Variants in FAF1 observed in about 807,000 individuals in gnomAD.
FAF1 encodes Fas associated factor 1.
In FAF1, 25 loss-of-function variants were observed where a neutral mutation model predicts 92.5. That is an observed-to-expected ratio of 0.27 (90% CI 0.20 to 0.38). The LOEUF is 0.38. Ranked by LOEUF, FAF1 falls within the 10% of genes least tolerant of loss-of-function variation. FAF1 has a pLI of 1.00. For missense variants in FAF1, 636 were observed against 793.3 expected (o/e 0.80, Z 2.38); for synonymous variants, 234 against 273.2 (o/e 0.86, Z 1.42).
chr1:50,524,743 T>C (rs1647703326), intron 15 of FAF1, among the ~76,000 whole-genome samples: 2 of 152,192 alleles, frequency 1.3e-5, no homozygotes, highest in African/African-American at 2.4e-5. Context: ...CATTGGTCTA[T>C]GTGTCTGTTT....
chr1:50,751,397 T>C (rs1569883372), intron 4 of FAF1, among the ~76,000 whole-genome samples: 1 of 152,114 alleles, frequency 6.6e-6, no homozygotes, highest in Admixed American at 6.5e-5. Context: ...TGCAGCAGCA[T>C]GATCTCGGCT....
intron 7 of FAF1, among the ~76,000 whole-genome samples, chr1:50,700,299 G>GA (rs1450687786): frequency 2.0e-5 from 3 of 152,240 alleles, no homozygotes; most frequent in African/African-American, 7.2e-5. Context: ...ATTGAGCACA[G>GA]AGGTTCTTTT....
chr1:50,554,380 T>TAGAGAGAG (rs1464718969), intron 13 of FAF1, among the ~76,000 whole-genome samples: 10 of 99,440 alleles, frequency 1.0e-4, no homozygotes, highest in Non-Finnish European at 1.8e-4. Context: ...TATATATATA[T>TAGAGAGAG]ATATATATAT....
intron 13 of FAF1, among the ~76,000 whole-genome samples, chr1:50,540,487 G>A (rs1292345804): frequency 6.6e-6 from 1 of 152,122 alleles, no homozygotes; most frequent in Non-Finnish European, 1.5e-5. Flanking sequence ...TCCAGTAGTA[G>A]TAGGTCTTCT....
At chr1:50,549,817 T>G (rs1469310777) in intron 13 of FAF1, among the ~76,000 whole-genome samples, 1 of 151,578 alleles carries the variant, frequency 6.6e-6, no homozygotes, top group East Asian at 2.0e-4. Context: ...GACACAGACT[T>G]GCTATATTGC....
intron 1 of FAF1, among the ~76,000 whole-genome samples, chr1:50,918,292 C>T (rs1342782094): frequency 4.8e-5 from 6 of 125,236 alleles, no homozygotes; most frequent in African/African-American, 1.9e-4. Flanking sequence ...GCTGCACCCA[C>T]TAACGTGTCA....
At chr1:50,743,290 C>A (rs1408876754) in intron 5 of FAF1, among the ~76,000 whole-genome samples, 1 of 152,128 alleles carries the variant, frequency 6.6e-6, no homozygotes, top group African/African-American at 2.4e-5. Flanking sequence ...CGAAGAAGAA[C>A]TGAACCAAAA....
chr1:50,572,234 T>C (rs1284885656), intron 12 of FAF1, among the ~76,000 whole-genome samples: 1 of 152,214 alleles, frequency 6.6e-6, no homozygotes, highest in Non-Finnish European at 1.5e-5. Flanking sequence ...TTTTGCCATA[T>C]TTGCTTTATC....
chr1:50,676,408 A>C (rs1468574297), intron 7 of FAF1, among the ~76,000 whole-genome samples: 1 of 138,754 alleles, frequency 7.2e-6, no homozygotes, highest in Non-Finnish European at 1.5e-5. Flanking sequence ...ACTCTGTCTT[A>C]AAAAAAAAAA....
At chr1:50,702,850 A>G (rs1212594232) in intron 7 of FAF1, among the ~76,000 whole-genome samples, 1 of 152,064 alleles carries the variant, frequency 6.6e-6, no homozygotes, top group African/African-American at 2.4e-5. Flanking sequence ...TTTTAGTTCT[A>G]TTTTCTAACT....
chr1:50,495,778 C>A (rs534347744), intron 15 of FAF1, among the ~76,000 whole-genome samples: 6 of 152,178 alleles, frequency 3.9e-5, no homozygotes, highest in Non-Finnish European at 7.4e-5. Flanking sequence ...ATTTGTTATT[C>A]CCTGTCTTTG....
chr1:50,881,522 C>T (rs1644612174), intron 1 of FAF1, among the ~76,000 whole-genome samples: 1 of 152,110 alleles, frequency 6.6e-6, no homozygotes, highest in South Asian at 2.1e-4. Context: ...CTCACACTAC[C>T]AAAAGAAGGA....
intron 8 of FAF1, among the ~76,000 whole-genome samples, chr1:50,617,839 G>C (rs909976403): frequency 4.6e-5 from 7 of 151,734 alleles, no homozygotes; most frequent in African/African-American, 1.2e-4. Context: ...TTCAAAGCTT[G>C]ATACTCGTCT....
chr1:50,530,929 G>A (rs1257425583), intron 15 of FAF1, among the ~76,000 whole-genome samples: 1 of 152,114 alleles, frequency 6.6e-6, no homozygotes, highest in Non-Finnish European at 1.5e-5. Context: ...GAAAAGGAAT[G>A]CACTGCTGAA....
intron 1 of FAF1, among the ~76,000 whole-genome samples, chr1:50,904,871 A>AT (rs1378485482): frequency 6.6e-6 from 1 of 150,672 alleles, no homozygotes; most frequent in African/African-American, 2.5e-5. Flanking sequence ...AATATTTCCT[A>AT]TTTTTTTCCT....
intron 8 of FAF1, among the ~76,000 whole-genome samples, chr1:50,652,123 A>C (rs1315827304): frequency 6.6e-6 from 1 of 152,212 alleles, no homozygotes; most frequent in African/African-American, 2.4e-5. Flanking sequence ...GACAAGGTGC[A>C]AATGGCAATA....
At chr1:50,610,293 T>C (rs1457476451) in intron 8 of FAF1, among the ~76,000 whole-genome samples, 1 of 152,214 alleles carries the variant, frequency 6.6e-6, no homozygotes, top group Non-Finnish European at 1.5e-5. Flanking sequence ...TTCAAGCATT[T>C]TTCTAATTGT....
At chr1:50,722,521 C>T (rs551175583) in intron 6 of FAF1, among the ~76,000 whole-genome samples, 10 of 152,000 alleles carry the variant, frequency 6.6e-5, no homozygotes, top group African/African-American at 2.2e-4. Context: ...TGGCGGCGGG[C>T]GCCTGTAGTC....
At chr1:50,917,698 G>GGAAAGGAAAGGAAAA (rs1456214686) in intron 1 of FAF1, among the ~76,000 whole-genome samples, 1 of 132,846 alleles carries the variant, frequency 7.5e-6, no homozygotes, top group Non-Finnish European at 1.6e-5. Flanking sequence ...GGAAAGGAAA[G>GGAAAGGAAAGGAAAA]GAAAAGAAAG....
Sources: gnomAD v4.1 joint callset for allele counts (sites outside exome capture counted in the v4.1 genomes callset) on GRCh38, gnomAD v4.1.1 for gene constraint, MANE v1.5 for transcripts, NCBI Gene and HGNC (gene_info 2026-07-23, HGNC 2026-07-21) for gene names.